Variants in ZZEF1 observed in about 807,000 individuals in gnomAD.
ZZEF1 encodes zinc finger ZZ-type and EF-hand domain-containing protein 1.
A neutral mutation model predicts 342.8 loss-of-function variants in ZZEF1; 157 were observed. That is an observed-to-expected ratio of 0.46 (90% CI 0.40 to 0.52). The LOEUF (loss-of-function observed/expected upper bound fraction) is 0.52. Ranked by LOEUF, ZZEF1 falls within the 20% of genes least tolerant of loss-of-function variation. The pLI is 0.00. For missense variants in ZZEF1, 3,480 were observed against 3,725.6 expected, an observed-to-expected ratio of 0.93 and a Z score of 1.72; for synonymous variants, 1,505 against 1,429.1, an observed-to-expected ratio of 1.05 and a Z score of -1.20.
chr17:4,052,812 A>G (rs2057077672), intron 34 of ZZEF1, among the ~76,000 whole-genome samples: 1 of 147,298 alleles, frequency 6.8e-6, no homozygotes, highest in Non-Finnish European at 1.5e-5. Flanking sequence ...AGTTGCAGTG[A>G]GCTGAGATGG....
At chr17:4,103,629 C>T (rs1033866860) in intron 8 of ZZEF1, among the ~76,000 whole-genome samples, 8 of 151,928 alleles carry the variant, frequency 5.3e-5, no homozygotes, top group East Asian at 1.9e-4. Flanking sequence ...AGAAACCTCA[C>T]GGCAGAAGCC....
intron 39 of ZZEF1, 109 bp downstream of exon 39, chr17:4,042,320 C>T (rs2056820031): frequency 2.5e-6 from 3 of 1,206,744 alleles, no homozygotes; most frequent in African/African-American, 3.1e-5. Flanking sequence ...TCTAATCCTA[C>T]CCTTAAGGCT....
chr17:4,034,065 G>T lies in ZZEF1; in HGVS notation c.6534C>A (p.Gly2178=), dbSNP rs766086305. The part of the protein sequence containing the change: ...AAGDSSIVPD[G]WKTTHLLFSL... ...TAAAGAGCAGGTGGGTGGTTTTCCAGCCATCTGGCACAATGGAACTGTCCC... is the reference window on the plus strand; with the variant it reads ...TAAAGAGCAGGTGGGTGGTTTTCCATCCATCTGGCACAATGGAACTGTCCC... The change falls in exon 40 of 55, where the codon GGC becomes GGA. Residue 2178 remains glycine (G), a synonymous_variant. Coordinates refer to ENST00000381638, the MANE Select transcript of ZZEF1 (RefSeq NM_015113.4). 1 of 1,614,222 alleles carries T rather than the reference G, an allele frequency of 6.2e-7. No homozygotes were observed. Among genetic ancestry groups the T allele is most frequent in the Non-Finnish European group, 8.5e-7 (1 of 1,180,056 alleles).
intron 5 of ZZEF1, among the ~76,000 whole-genome samples, chr17:4,112,092 ATGTTTTG>A (rs1367838643): frequency 4.6e-5 from 2 of 43,726 alleles, no homozygotes; most frequent in African/African-American, 9.9e-5. Context: ...ATATATATAT[ATGTTTTG>A]TTTTGTTTTT....
intron 16 of ZZEF1, among the ~76,000 whole-genome samples, chr17:4,084,205 T>C (rs36019144): frequency 0.14 from 21,429 of 151,974 alleles, 1,727 homozygotes; most frequent in East Asian, 0.18. Flanking sequence ...ATTGAAGGAG[T>C]TTCTATTTTG....
At chr17:4,045,231 A>G (rs1053512825) in intron 37 of ZZEF1, among the ~76,000 whole-genome samples, 1 of 152,182 alleles carries the variant, frequency 6.6e-6, no homozygotes, top group Non-Finnish European at 1.5e-5. Context: ...CTGCAGTCCC[A>G]TAAGAAATGG....
In ZZEF1 at chr17:4,068,633, C is replaced by T. The variant is rs80197406; in HGVS notation, c.4076-1391G>A. ...GAAAGATCTATGAGGCTTGCCCCTTCTCTTCAGCTAAAACCCAAAGGATAA... is the reference window on the plus strand; with the variant it reads ...GAAAGATCTATGAGGCTTGCCCCTTTTCTTCAGCTAAAACCCAAAGGATAA... On this transcript the variant is annotated intron_variant, in intron 26 of 54. Coordinates refer to ENST00000381638, the MANE Select transcript of ZZEF1 (RefSeq NM_015113.4). Among the ~76,000 whole-genome samples the T allele has an allele frequency of 6.4e-3, 976 of 152,310 alleles. 11 individuals carry two copies. The highest frequency in any genetic ancestry group is 0.023 in the African/African-American group (940 of 41,568).
chr17:4,087,085 T>A (rs1597871931), intron 14 of ZZEF1, among the ~76,000 whole-genome samples: 2 of 152,136 alleles, frequency 1.3e-5, no homozygotes, highest in East Asian at 3.8e-4. Flanking sequence ...TTTCACCATA[T>A]TGGCCAGGCT....
chr17:4,107,369 C>G (rs528803965), intron 6 of ZZEF1, among the ~76,000 whole-genome samples: 1 of 152,034 alleles, frequency 6.6e-6, no homozygotes. Context: ...TGGGACTGTG[C>G]AGTGCAGACA....
At chr17:4,114,278 A>C (rs2058359374) in intron 4 of ZZEF1, 21 bp downstream of exon 4, 2 of 1,490,066 alleles carry the variant, frequency 1.3e-6, no homozygotes, top group Non-Finnish European at 1.8e-6. Context: ...AAAAAACAAA[A>C]AAGTATTATA....
intron 8 of ZZEF1, among the ~76,000 whole-genome samples, chr17:4,102,941 T>C (rs2058151321): frequency 1.3e-5 from 2 of 152,156 alleles, no homozygotes; most frequent in Non-Finnish European, 2.9e-5. Flanking sequence ...TATGATGATC[T>C]GAAAATGTTT....
At chr17:4,112,874 G>T in intron 4 of ZZEF1, 66 bp from the exon 5 acceptor site, 3 of 1,370,942 alleles carry the variant, frequency 2.2e-6, no homozygotes, top group Non-Finnish European at 2.9e-6. Flanking sequence ...GGATCCAGAA[G>T]TCCCACCTCA....
intron 31 of ZZEF1, among the ~76,000 whole-genome samples, chr17:4,058,462 T>C (rs2057215186): frequency 6.6e-6 from 1 of 152,222 alleles, no homozygotes; most frequent in Non-Finnish European, 1.5e-5. Context: ...AGCTCCAAAT[T>C]AGCCAAGGTT....
At chr17:4,135,642 A>C (rs1313797482) in intron 1 of ZZEF1, among the ~76,000 whole-genome samples, 1 of 152,138 alleles carries the variant, frequency 6.6e-6, no homozygotes, top group Non-Finnish European at 1.5e-5. Flanking sequence ...CTGCCTCCCC[A>C]AAGTTACCAT....
At chr17:4,141,451 C>T (rs1029009147) in intron 1 of ZZEF1, among the ~76,000 whole-genome samples, 1 of 152,112 alleles carries the variant, frequency 6.6e-6, no homozygotes, top group African/African-American at 2.4e-5. Flanking sequence ...CTCATTTTCA[C>T]AAAATAAGTA....
At position 4,051,052 on chromosome 17, in the gene ZZEF1, G is replaced by T. The variant is rs560070891; in HGVS notation, c.5601-9C>A. 8 of 1,613,936 alleles carry T rather than the reference G, an allele frequency of 5.0e-6. No homozygotes were observed. Among genetic ancestry groups the T allele is most frequent in the East Asian group, 2.2e-5 (1 of 44,900 alleles). ...TGTGGGTAGGCAAATGGCTGCAAAG[G>T]CAAGACACATTTAAAGCTTACAACC... On this transcript the variant is annotated splice_polypyrimidine_tract_variant and intron_variant, in intron 35 of 54. Coordinates refer to ENST00000381638, the MANE Select transcript of ZZEF1 (RefSeq NM_015113.4).
intron 9 of ZZEF1, among the ~76,000 whole-genome samples, chr17:4,097,671 T>C (rs1194398449): frequency 1.3e-5 from 2 of 152,156 alleles, no homozygotes; most frequent in South Asian, 4.1e-4. Flanking sequence ...TTATTCCTTA[T>C]GGATACTGAC....
rs11871266 is a variant in ZZEF1 at position 4,016,598 on chromosome 17, A to G, written c.8002-132T>C. On this transcript the variant is annotated intron_variant, in intron 48 of 54. Transcript: ENST00000381638. This position sits in a 1 kb window ranked among gnomAD's most constrained non-coding sequence, Gnocchi z 4.4. Reference sequence around the variant, plus strand: ...ACCTAGGACGAGCCTCTGTGACTCCACCACCCAAAACCAACTCCACCAGCC... The same window carrying G: ...ACCTAGGACGAGCCTCTGTGACTCCGCCACCCAAAACCAACTCCACCAGCC... The G allele has an allele frequency of 2.1e-3, 2,096 of 1,005,250 alleles. 39 individuals are homozygous for G. In the African/African-American group the frequency reaches 0.031, roughly 15 times the overall value. The allele number at this position is 1,005,250 out of a possible 1,614,324, so 62.3% of individuals were successfully genotyped here. A position where few individuals can be genotyped will look rare whatever the true frequency, so the allele number is the denominator to read the frequency against.
chr17:4,073,736 A>G (rs1188681484), intron 24 of ZZEF1, among the ~76,000 whole-genome samples: 3 of 152,206 alleles, frequency 2.0e-5, no homozygotes, highest in Non-Finnish European at 4.4e-5. Context: ...CACCTTGCTC[A>G]GCCCTGAATG....
Sources: gnomAD v4.1 joint callset for allele counts (sites outside exome capture counted in the v4.1 genomes callset) on GRCh38, gnomAD v4.1.1 for gene constraint, Gnocchi (gnomAD v3.1) non-coding constraint, MANE v1.5 for transcripts, NCBI Gene and HGNC (gene_info 2026-07-23, HGNC 2026-07-21) for gene names.